Variants in KIAA1755 observed in about 807,000 individuals in gnomAD.
KIAA1755 encodes the protein KIAA1755.
A neutral mutation model predicts 91.7 loss-of-function variants in KIAA1755; 68 were observed. The observed-to-expected ratio is 0.74, with a 90% CI of 0.61 to 0.91. The LOEUF is 0.91. Ranked by LOEUF, KIAA1755 falls within the 40% of genes least tolerant of loss-of-function variation. The pLI, the probability that KIAA1755 is intolerant of heterozygous loss-of-function variation, is 0.00. For synonymous variants in KIAA1755, 610 were observed against 604.6 expected, an observed-to-expected ratio of 1.01 and a Z score of -0.13; for missense variants, 1,535 against 1,494.4, an observed-to-expected ratio of 1.03 and a Z score of -0.45.
Position 38,227,205 on chromosome 20 carries a change from G to A in KIAA1755, c.2001C>T (p.Phe667=). 6.2e-7 allele frequency: 1 copy of A among 1,613,910 alleles called. No homozygotes were observed. Among genetic ancestry groups the A allele is most frequent in the Non-Finnish European group, 8.5e-7 (1 of 1,179,900 alleles). Residue 667 remains phenylalanine (F), a synonymous_variant, in exon 7 of 14, where the codon TTC becomes TTT. Coordinates refer to ENST00000279024, the MANE Select transcript of KIAA1755 (RefSeq NM_001029864.2). The part of the protein sequence containing the change: ...QVPASIRAIL[F]LGEKEAALQL... Reference sequence around the variant, plus strand: ...GGAGAGCCGCCTCCTTCTCCCCCAGGAAGAGAATAGCCCGGATAGAGGCTG... The same window carrying A: ...GGAGAGCCGCCTCCTTCTCCCCCAGAAAGAGAATAGCCCGGATAGAGGCTG...
chr20:38,220,296 C>T (rs1179589193), intron 10 of KIAA1755, among the ~76,000 whole-genome samples: 3 of 150,860 alleles, frequency 2.0e-5, no homozygotes, highest in Admixed American at 6.6e-5. Flanking sequence ...CTGATGTTTC[C>T]CTTTTTTTTT....
rs1205434 is a variant in KIAA1755, at chr20:38,241,114, C to A, written c.1017G>T (p.Lys339Asn). The A allele has an allele frequency of 0.31, 506,522 of 1,613,864 alleles. 81,431 individuals are homozygous for A. The highest frequency in any genetic ancestry group is 0.51 in the Middle Eastern group (3,102 of 6,062). ...AGGGCCTCTCCTCAGAGCTTTCTGG[C>A]TTTGTGCAAGCCCGATTTCCCAAGG... ...GPSLGNRACT[K>N]PESSEERPYN... Residue 339 changes from lysine (K) to asparagine (N), a missense_variant, in exon 3 of 14, where the codon AAG (lysine) becomes AAT (asparagine). Lys to Asn is a moderately conservative substitution (Grantham distance 94). Transcript: ENST00000279024.
At chr20:38,240,303 A>G (rs1414192129) in intron 3 of KIAA1755, among the ~76,000 whole-genome samples, 1 of 152,204 alleles carries the variant, frequency 6.6e-6, no homozygotes, top group Admixed American at 6.5e-5. Context: ...ACAGATAGGG[A>G]GAACGTGGAC....
chr20:38,231,158 G>T, intron 5 of KIAA1755, 44 bp downstream of exon 5: 1 of 1,581,682 alleles, frequency 6.3e-7, no homozygotes, highest in Non-Finnish European at 8.6e-7. Context: ...GGGCCCAGAG[G>T]GTTGAGGTGG....
At position 38,219,648 on chromosome 20, in the gene KIAA1755, C is replaced by T. The variant is rs895780993; in HGVS notation, c.2538G>A (p.Leu846=). ...CTTTCACCTGGTGAATGGCAGCTTC[C>T]AGGCGGCCCAGGCGGACACGGAGCT... The part of the protein sequence containing the change: ...KLELRVRLGR[L]EAAIHQVSDW... Residue 846 remains leucine, a synonymous_variant, in exon 11 of 14, where the codon CTG becomes CTA. Transcript: ENST00000279024. 1.9e-6 allele frequency: 3 copies of T among 1,614,094 alleles called. No homozygotes were observed. The highest frequency in any genetic ancestry group is 8.5e-7 in the Non-Finnish European group (1 of 1,180,016).
chr20:38,219,992 C>G (rs2075628208), intron 10 of KIAA1755, among the ~76,000 whole-genome samples: 1 of 152,232 alleles, frequency 6.6e-6, no homozygotes, highest in Admixed American at 6.5e-5. Context: ...GACCCTCCCC[C>G]TTCCCTAGAA....
At chr20:38,260,279 C>T in intron 1 of KIAA1755, 1 of 1,548,748 alleles carries the variant, frequency 6.5e-7, no homozygotes, top group Non-Finnish European at 8.7e-7. Context: ...TCCATCCATA[C>T]ACACACATGG....
In KIAA1755 at chr20:38,225,669, A is replaced by G; in HGVS notation, c.2165T>C (p.Phe722Ser). ...PYCHTEWVHF[F>S]QKLDPFLADL... ...AAAGGCTGTGACGGTAAACACCTGG[A>G]AGAAATGAACCCACTCGGTGTGGCA... Residue 722 changes from phenylalanine (F) to serine (S), a missense_variant, in exon 8 of 14, where the codon TTC (phenylalanine) becomes TCC (serine). Phe to Ser is a radical substitution (Grantham distance 155, BLOSUM62 -2). Transcript: ENST00000279024. 6.2e-7 allele frequency: 1 copy of G among 1,605,142 alleles called. No homozygotes were observed. The highest frequency in any genetic ancestry group is 2.2e-5 in the East Asian group (1 of 44,814).
At chr20:38,244,529 G>A (rs1158507229) in intron 2 of KIAA1755, among the ~76,000 whole-genome samples, 1 of 152,180 alleles carries the variant, frequency 6.6e-6, no homozygotes, top group Non-Finnish European at 1.5e-5. Context: ...ACTCAGGACA[G>A]GCTGATGGGA....
rs567367939 is a variant in KIAA1755, at chr20:38,234,053, GGCC to G, written c.1748-2731_1748-2729del. Among the ~76,000 whole-genome samples the G allele has an allele frequency of 3.3e-3, 501 of 152,244 alleles. 1 individual carries two copies. Among genetic ancestry groups the G allele is most frequent in the Non-Finnish European group, 5.2e-3 (356 of 68,008 alleles). On this transcript the variant is annotated intron_variant, in intron 4 of 13. Coordinates refer to ENST00000279024, the MANE Select transcript of KIAA1755 (RefSeq NM_001029864.2). Reference sequence around the variant, plus strand: ...TGGGCATTTGCAAGCCAAGGAGAGAGGCCACAGAAGGAAACAACCCTGCCAACA... The same window carrying G: ...TGGGCATTTGCAAGCCAAGGAGAGAGACAGAAGGAAACAACCCTGCCAACA...
rs562155887 is a variant in KIAA1755, at chr20:38,255,811, G to A, written c.3+4687C>T. ...GTCAGAAGACCCACGTTATAGTCCAGCTCTGTCTGTATCATCTGCATGACC... is the reference window on the plus strand; with the variant it reads ...GTCAGAAGACCCACGTTATAGTCCAACTCTGTCTGTATCATCTGCATGACC... On this transcript the variant is annotated intron_variant, in intron 1 of 13. Coordinates refer to ENST00000279024, the MANE Select transcript of KIAA1755 (RefSeq NM_001029864.2). Among the ~76,000 whole-genome samples, 4 of 152,232 alleles carry A rather than the reference G, an allele frequency of 2.6e-5. No individual in the cohort carries two copies. The Middle Eastern group carries it at 0.01, about 388-fold the overall frequency.
At position 38,241,816 on chromosome 20, in the gene KIAA1755, G is replaced by T; in HGVS notation, c.315C>A (p.Phe105Leu). 1 of 1,614,200 alleles carries T rather than the reference G, an allele frequency of 6.2e-7. No homozygotes were observed. The highest frequency in any genetic ancestry group is 8.5e-7 in the Non-Finnish European group (1 of 1,180,024). The stretch of plus-strand genomic sequence containing the variant: ...CCTCCTGGGGCTCCACTTGGAGGTA[G>T]AAGTCACCCTGGCGCAATAAGAGAG... ...LNPLLLRQGD[F>L]YLQVEPQEEQ... is the part of the protein sequence containing the mutation. The change falls in exon 3 of 14, where the codon TTC becomes TTA. Residue 105 changes from phenylalanine to leucine, a missense_variant. Coordinates refer to ENST00000279024, the MANE Select transcript of KIAA1755 (RefSeq NM_001029864.2).
At chr20:38,220,685 C>T (rs1211326530) in intron 10 of KIAA1755, among the ~76,000 whole-genome samples, 3 of 152,154 alleles carry the variant, frequency 2.0e-5, no homozygotes, top group Non-Finnish European at 2.9e-5. Flanking sequence ...AGCGCTCATG[C>T]GTGCAAAACA....
At chr20:38,255,950 A>G (rs1430161918) in intron 1 of KIAA1755, among the ~76,000 whole-genome samples, 1 of 152,080 alleles carries the variant, frequency 6.6e-6, no homozygotes, top group East Asian at 1.9e-4. Context: ...TCATGATCAC[A>G]ATTGTAACCA....
rs1012342729 is a variant in KIAA1755 at position 38,211,580 on chromosome 20, A to G, written c.*1462T>C. On this transcript the variant is annotated 3_prime_UTR_variant, in exon 14 of 14. Transcript: ENST00000279024. The stretch of plus-strand genomic sequence containing the variant: ...CACAGAACCCCAATGGTACTGGGCC[A>G]CAGAGGCTGGGCATAGAGAAGTGGA... The G allele has an allele frequency of 1.3e-5, 2 of 152,296 alleles. No individual in the cohort carries two copies. The highest frequency in any genetic ancestry group is 4.8e-5 in the African/African-American group (2 of 41,454). 9.4% of individuals were successfully genotyped at this position (152,296 alleles called of 1,614,324 possible).
At chr20:38,214,858 G>A (rs1347540394) in intron 13 of KIAA1755, among the ~76,000 whole-genome samples, 2 of 152,246 alleles carry the variant, frequency 1.3e-5, no homozygotes, top group South Asian at 2.1e-4. Flanking sequence ...ACCCGATAGC[G>A]AGCTGTTAGG....
At chr20:38,228,304 T>G (rs2075797647) in intron 5 of KIAA1755, 64 bp from the exon 6 acceptor site, 1 of 1,302,822 alleles carries the variant, frequency 7.7e-7, no homozygotes. Context: ...CAGGACCTAG[T>G]GGAAGGTGAG....
intron 5 of KIAA1755, 115 bp downstream of exon 5, chr20:38,231,087 G>T: frequency 8.4e-7 from 1 of 1,189,372 alleles, no homozygotes; most frequent in Non-Finnish European, 1.2e-6. Flanking sequence ...CTGGCTCTGT[G>T]AACAGACGAC....
At chr20:38,250,673 G>A (rs1439405181) in intron 1 of KIAA1755, among the ~76,000 whole-genome samples, 2 of 152,048 alleles carry the variant, frequency 1.3e-5, no homozygotes, top group Non-Finnish European at 2.9e-5. Flanking sequence ...CTGCTTCTAC[G>A]AGGAGGTTGG....
Sources: gnomAD v4.1 joint callset for allele counts (sites outside exome capture counted in the v4.1 genomes callset) on GRCh38, gnomAD v4.1.1 for gene constraint, MANE v1.5 for transcripts, NCBI Gene and HGNC (gene_info 2026-07-23, HGNC 2026-07-21) for gene names.